Variants in DNAH3 observed in about 807,000 individuals in gnomAD.
The protein encoded by DNAH3 is axonemal beta dynein heavy chain 3.
In DNAH3, 332 loss-of-function variants were observed where a neutral mutation model predicts 432.5. That is an observed-to-expected ratio of 0.77 (90% confidence interval 0.70 to 0.84). The LOEUF is 0.84. Among genes scored for constraint, DNAH3 ranks in the 40% least tolerant of loss-of-function variants. DNAH3 has a pLI of 0.00. For missense variants in DNAH3, 4,861 were observed against 5,114.0 expected, an observed-to-expected ratio of 0.95 and a Z score of 1.51; for synonymous variants, 1,956 against 1,900.2, an observed-to-expected ratio of 1.03 and a Z score of -0.76.
rs139282400 is a variant in DNAH3 at position 20,964,591 on chromosome 16, G to A, written c.9293C>T (p.Ala3098Val). The change falls in exon 53 of 62, where the codon GCG (alanine) becomes GTG (valine). Residue 3098 changes from alanine (A) to valine (V), a missense_variant. Coordinates refer to ENST00000261383, the Ensembl canonical transcript of DNAH3. ...GAACTTGATGACAGCCAGTTTATTC[G>A]CCTTCTCCATGTTCTTAATCCATTT... 96 of 1,613,992 alleles carry A rather than the reference G, an allele frequency of 5.9e-5. No individual in the cohort carries two copies. Among genetic ancestry groups the A allele is most frequent in the Admixed American group, 1.5e-4 (9 of 59,994 alleles).
intron 19 of DNAH3, among the ~76,000 whole-genome samples, chr16:21,085,203 A>ACC (rs200588717): frequency 6.0e-5 from 9 of 150,638 alleles, no homozygotes; most frequent in African/African-American, 2.2e-4. Context: ...ACATAGTAAG[A>ACC]CCCCCCCCAT....
intron 38 of DNAH3, among the ~76,000 whole-genome samples, chr16:21,026,766 G>A (rs932637710): frequency 6.6e-6 from 1 of 151,258 alleles, no homozygotes; most frequent in East Asian, 1.9e-4. Flanking sequence ...GGGTGGAGGA[G>A]GGTGAGGATG....
At chr16:21,080,130 C>T (rs895836350) in intron 20 of DNAH3, among the ~76,000 whole-genome samples, 1 of 152,150 alleles carries the variant, frequency 6.6e-6, no homozygotes, top group Non-Finnish European at 1.5e-5. Flanking sequence ...AACCCCGTCT[C>T]TACCAAAAAT....
In DNAH3 at chr16:21,116,524, A is replaced by G. The variant is rs1428094405; in HGVS notation, c.1814+679T>C. On this transcript the variant is annotated intron_variant, in intron 12 of 61. Coordinates refer to ENST00000261383, the Ensembl canonical transcript of DNAH3. Reference sequence around the variant, plus strand: ...ACCATAAGTTTCCTGAGGCCACCCCAGACCTGCAGAATTGTGAGTCAATTA... The same window carrying G: ...ACCATAAGTTTCCTGAGGCCACCCCGGACCTGCAGAATTGTGAGTCAATTA... Among the ~76,000 whole-genome samples the G allele has an allele frequency of 3.9e-5, 6 of 152,134 alleles. No homozygotes were observed. In the East Asian group the frequency reaches 1.2e-3, roughly 29 times the overall value.
chr16:21,035,652 T>G (rs1434844614), intron 35 of DNAH3, among the ~76,000 whole-genome samples: 2 of 152,232 alleles, frequency 1.3e-5, no homozygotes, highest in Non-Finnish European at 2.9e-5. Context: ...TTCTGCATGT[T>G]TAAAATTTTT....
intron 44 of DNAH3, chr16:20,996,961 C>A (rs779427832): frequency 2.4e-5 from 6 of 246,414 alleles, no homozygotes; most frequent in Non-Finnish European, 4.7e-5. Context: ...CAATGGATGA[C>A]TGTCATGCAC....
intron 32 of DNAH3, 58 bp downstream of exon 32, chr16:21,041,969 G>T: frequency 6.3e-7 from 1 of 1,599,100 alleles, no homozygotes; most frequent in South Asian, 1.1e-5. Flanking sequence ...CGCCACACCC[G>T]GCCCAGAGGT....
In DNAH3 at chr16:20,948,790, C is replaced by T. The variant is rs28578206; in HGVS notation, c.11189-153G>A. ...CAGGAAAATTCCGGGCAGAAGATGG[C>T]GGGTCCCCTGCAAGGGCCCCACCCT... On this transcript the variant is annotated intron_variant, in intron 56 of 61. Coordinates refer to ENST00000261383, the Ensembl canonical transcript of DNAH3. Among the ~76,000 whole-genome samples, 937 of 152,194 alleles carry T rather than the reference C, an allele frequency of 6.2e-3. 14 individuals carry two copies. Among genetic ancestry groups the T allele is most frequent in the African/African-American group, 0.021 (888 of 41,540 alleles).
rs75803917 is a variant in DNAH3 at position 21,120,339 on chromosome 16, C to T, written c.1699+401G>A. Among the ~76,000 whole-genome samples, 239 of 152,232 alleles carry T rather than the reference C, an allele frequency of 1.6e-3. 6 individuals are homozygous for T. The East Asian group carries it at 0.032, about 21-fold the overall frequency. On this transcript the variant is annotated intron_variant, in intron 11 of 61. Coordinates refer to ENST00000261383, the Ensembl canonical transcript of DNAH3. Reference sequence around the variant, plus strand: ...TATTGAACTCCTGGCCTCAAGCAATCTTCCTGCTTCTCGACCTCCCAAAGC... The same window carrying T: ...TATTGAACTCCTGGCCTCAAGCAATTTTCCTGCTTCTCGACCTCCCAAAGC...
intron 61 of DNAH3, among the ~76,000 whole-genome samples, chr16:20,934,787 T>C (rs2083529942): frequency 6.6e-6 from 1 of 152,196 alleles, no homozygotes; most frequent in Non-Finnish European, 1.5e-5. Context: ...TTGTATTTAT[T>C]TTGGCTTAAC....
At chr16:20,983,429 T>TTAC (rs1567578957) in intron 48 of DNAH3, among the ~76,000 whole-genome samples, 2 of 151,852 alleles carry the variant, frequency 1.3e-5, no homozygotes, top group African/African-American at 4.8e-5. Context: ...CCTGAGTCTA[T>TTAC]TACCTTCTAA....
intron 37 of DNAH3, 77 bp downstream of exon 37, chr16:21,030,968 G>A: frequency 6.8e-7 from 1 of 1,463,858 alleles, no homozygotes; most frequent in Non-Finnish European, 9.5e-7. Flanking sequence ...TCTCTATATA[G>A]TTTTGATCAA....
chr16:21,093,496 C>A (rs1168765167), intron 18 of DNAH3, among the ~76,000 whole-genome samples: 1 of 152,196 alleles, frequency 6.6e-6, no homozygotes, highest in African/African-American at 2.4e-5. Flanking sequence ...GATGTGAATT[C>A]TTTCCAAATT....
At chr16:21,032,964 A>C (rs908048213) in intron 36 of DNAH3, among the ~76,000 whole-genome samples, 7 of 151,920 alleles carry the variant, frequency 4.6e-5, no homozygotes, top group African/African-American at 1.7e-4. Flanking sequence ...ATATTTTATT[A>C]TATTCTATTA....
intron 36 of DNAH3, among the ~76,000 whole-genome samples, chr16:21,031,747 G>C (rs2088887298): frequency 6.6e-6 from 1 of 152,296 alleles, no homozygotes; most frequent in African/African-American, 2.4e-5. Context: ...AGGACTACTT[G>C]CTGGGCACAG....
chr16:20,979,254 G>A (rs765727136), intron 50 of DNAH3, 76 bp downstream of exon 50: 48 of 1,398,458 alleles, frequency 3.4e-5, no homozygotes, highest in Non-Finnish European at 4.3e-5. Context: ...TCTTAATTCC[G>A]CACCTGAACA....
At position 21,039,213 on chromosome 16, in the gene DNAH3, G is replaced by GTTTTT. The variant is rs1567681489; in HGVS notation, c.4730+638_4730+639insAAAAA. Among the ~76,000 whole-genome samples the GTTTTT allele has an allele frequency of 1.6e-3, 161 of 103,606 alleles. 5 individuals carry two copies. Among genetic ancestry groups the GTTTTT allele is most frequent in the African/African-American group, 2.6e-3 (67 of 25,602 alleles). 68.0% of individuals were successfully genotyped at this position (103,606 alleles called of 152,430 possible). A position where few individuals can be genotyped will look rare whatever the true frequency, so the allele number is the denominator to read the frequency against. On this transcript the variant is annotated intron_variant, in intron 33 of 61. Transcript: ENST00000261383. ...ATAATTGCATATGTTTTATAGTGTTGCTTTTTTTTTTTTTTTTTTTTTTGA... is the reference window on the plus strand; with the variant it reads ...ATAATTGCATATGTTTTATAGTGTTGTTTTTCTTTTTTTTTTTTTTTTTTTTTTGA...
intron 17 of DNAH3, among the ~76,000 whole-genome samples, chr16:21,097,776 G>A (rs148182532): frequency 1.8e-4 from 27 of 152,176 alleles, no homozygotes; most frequent in African/African-American, 4.8e-4. Context: ...CCATATCTCC[G>A]TTTTCATAAT....
chr16:21,076,210 T>C lies in DNAH3; in HGVS notation c.2970-649A>G, dbSNP rs184297187. 1.4e-4 allele frequency among the ~76,000 whole-genome samples: 21 copies of C among 152,230 alleles called. No individual in the cohort carries two copies. The East Asian group carries it at 4.1e-3, about 29-fold the overall frequency. ...GAGGTAATTAAATTAAAATAAGTCA[T>C]GAGGGTGGGCCTTAATCCATTATAA... On this transcript the variant is annotated intron_variant, in intron 20 of 61. Coordinates refer to ENST00000261383, the Ensembl canonical transcript of DNAH3.
Sources: gnomAD v4.1 joint callset for allele counts (sites outside exome capture counted in the v4.1 genomes callset) on GRCh38, gnomAD v4.1.1 for gene constraint, MANE v1.5 for transcripts, NCBI Gene and HGNC (gene_info 2026-07-23, HGNC 2026-07-21) for gene names.